Variants in GRK3 observed in about 807,000 individuals in gnomAD.
The protein encoded by GRK3 is adrenergic, beta, receptor kinase 2.
In GRK3, 54 loss-of-function variants were observed where a neutral mutation model predicts 95.7. The observed-to-expected ratio is 0.56, with a 90% CI of 0.45 to 0.71. The LOEUF is 0.71. Ranked by LOEUF, GRK3 falls within the 30% of genes least tolerant of loss-of-function variation. GRK3 has a pLI of 0.00. For synonymous variants in GRK3, 281 were observed against 290.8 expected (o/e 0.97, Z 0.34); for missense variants, 649 against 851.2 (o/e 0.76, Z 2.96).
chr22:25,636,316 A>T (rs2084701329), intron 2 of GRK3, among the ~76,000 whole-genome samples: 1 of 152,232 alleles, frequency 6.6e-6, no homozygotes, highest in Non-Finnish European at 1.5e-5. Flanking sequence ...GTTTGTGTGT[A>T]TGTGTACGTG....
chr22:25,635,997 A>G (rs780541855), intron 2 of GRK3, among the ~76,000 whole-genome samples: 5 of 152,146 alleles, frequency 3.3e-5, no homozygotes, highest in Non-Finnish European at 7.3e-5. Flanking sequence ...GTTATGATCT[A>G]TGACTCTTCT....
intron 15 of GRK3, among the ~76,000 whole-genome samples, chr22:25,705,677 C>T (rs975390446): frequency 2.0e-5 from 3 of 151,994 alleles, no homozygotes; most frequent in Non-Finnish European, 2.9e-5. Flanking sequence ...ATGTTTCTTT[C>T]GGGAAGGACT....
chr22:25,714,650 G>T (rs1326603076), intron 18 of GRK3, 80 bp downstream of exon 18: 10 of 1,350,656 alleles, frequency 7.4e-6, no homozygotes, highest in Middle Eastern at 2.6e-4. Context: ...AAAGTATTTG[G>T]GTCGTAAGGT....
intron 2 of GRK3, among the ~76,000 whole-genome samples, chr22:25,626,318 G>A (rs1331617242): frequency 1.3e-5 from 2 of 152,206 alleles, no homozygotes; most frequent in Non-Finnish European, 2.9e-5. Context: ...GTGCACTGTT[G>A]GGATGGGTGA....
In GRK3 at chr22:25,725,266, T is replaced by C. The variant is rs911297447; in HGVS notation, c.*2816T>C. ...TTTTCATTATTTTAGATTCCTGTGG[T>C]TGGGATATTTTAACATTGATGAGAA... On this transcript the variant is annotated 3_prime_UTR_variant, in exon 21 of 21. Coordinates refer to ENST00000324198, the MANE Select transcript of GRK3 (RefSeq NM_005160.4). 6.6e-6 allele frequency: 2 copies of C among 302,058 alleles called. No individual in the cohort carries two copies. Among genetic ancestry groups the C allele is most frequent in the African/African-American group, 4.3e-5 (2 of 46,644 alleles). The allele number at this position is 302,058 out of a possible 1,614,324, so 18.7% of individuals were successfully genotyped here.
At chr22:25,714,636 T>G (rs2085369234) in intron 18 of GRK3, 66 bp downstream of exon 18, 10 of 1,433,934 alleles carry the variant, frequency 7.0e-6, no homozygotes, top group Non-Finnish European at 9.3e-6. Context: ...CTTGTAAAGC[T>G]GAAAAAGTAT....
intron 15 of GRK3, among the ~76,000 whole-genome samples, chr22:25,706,387 T>C (rs1244149735): frequency 6.6e-6 from 1 of 152,088 alleles, no homozygotes; most frequent in African/African-American, 2.4e-5. Flanking sequence ...GAGCTGGAGC[T>C]CAGCATGCTG....
intron 3 of GRK3, among the ~76,000 whole-genome samples, chr22:25,652,880 GT>G (rs901314045): frequency 6.6e-5 from 10 of 152,124 alleles, no homozygotes; most frequent in Admixed American, 3.3e-4. Flanking sequence ...GCAGTATTCA[GT>G]ATAGTCACAT....
intron 1 of GRK3, among the ~76,000 whole-genome samples, chr22:25,591,658 C>G (rs984039749): frequency 2.0e-5 from 3 of 152,094 alleles, no homozygotes; most frequent in Non-Finnish European, 4.4e-5. Context: ...GTGTCAGGAA[C>G]CAGAGACAAA....
intron 5 of GRK3, among the ~76,000 whole-genome samples, chr22:25,667,260 T>C (rs1006534531): frequency 1.3e-5 from 2 of 152,232 alleles, no homozygotes; most frequent in Non-Finnish European, 2.9e-5. Context: ...GCTTTGAGTT[T>C]TTAAAACTCA....
At position 25,714,524 on chromosome 22, in the gene GRK3, C is replaced by T. The variant is rs147699642; in HGVS notation, c.1608C>T (p.Ile536=). The change falls in exon 18 of 21, where the codon ATC becomes ATT. Residue 536 remains isoleucine (I), a synonymous_variant. Transcript: ENST00000324198. ...YEAVNADTDK[I]EARKRAKNKQ... ...CAGTAAATGCAGACACAGATAAAAT[C>T]GAGGCCAGGAAGAGAGCTAAAAATA... 120 of 1,612,600 alleles carry T rather than the reference C, an allele frequency of 7.4e-5. No individual in the cohort carries two copies. Among genetic ancestry groups the T allele is most frequent in the Admixed American group, 2.0e-4 (12 of 59,766 alleles).
At chr22:25,638,957 A>G (rs1281861448) in intron 2 of GRK3, among the ~76,000 whole-genome samples, 1 of 152,154 alleles carries the variant, frequency 6.6e-6, no homozygotes, top group Non-Finnish European at 1.5e-5. Context: ...AGTCCCTTTC[A>G]TGGGCTTACT....
At chr22:25,620,563 C>T (rs899223692) in intron 2 of GRK3, among the ~76,000 whole-genome samples, 4 of 152,184 alleles carry the variant, frequency 2.6e-5, no homozygotes, top group African/African-American at 7.2e-5. Flanking sequence ...AACTTTTCCT[C>T]CTTGTCTGCC....
rs2085495871 is a variant in GRK3, at chr22:25,729,010, G to A, written c.*6560G>A. 1 of 152,208 alleles carries A rather than the reference G, an allele frequency of 6.6e-6. No homozygotes were observed. The highest frequency in any genetic ancestry group is 1.5e-5 in the Non-Finnish European group (1 of 68,034). 9.4% of individuals were successfully genotyped at this position (152,208 alleles called of 1,614,324 possible). A position where few individuals can be genotyped will look rare whatever the true frequency, so the allele number is the denominator to read the frequency against. ...AAGTGAAGCCAGTAAACTAGATACT[G>A]TAAATCTAGATATTGTACCTAGACA... On this transcript the variant is annotated 3_prime_UTR_variant, in exon 21 of 21. Coordinates refer to ENST00000324198, the MANE Select transcript of GRK3 (RefSeq NM_005160.4).
chr22:25,649,152 C>G (rs1459158567), intron 3 of GRK3: 1 of 1,418,960 alleles, frequency 7.0e-7, no homozygotes, highest in Non-Finnish European at 1.0e-6. Context: ...TGATGAAAGA[C>G]CAACATTTGA....
intron 1 of GRK3, among the ~76,000 whole-genome samples, chr22:25,592,471 T>A (rs1423195232): frequency 6.6e-6 from 1 of 152,220 alleles, no homozygotes. Flanking sequence ...CAGCAGTTTT[T>A]AATTTTGACG....
chr22:25,701,650 G>A (rs1222355790), intron 13 of GRK3, among the ~76,000 whole-genome samples: 1 of 152,218 alleles, frequency 6.6e-6, no homozygotes, highest in African/African-American at 2.4e-5. Context: ...TCAGAACACA[G>A]CAGGCTGCAA....
intron 2 of GRK3, among the ~76,000 whole-genome samples, chr22:25,639,774 A>G (rs2084729550): frequency 6.6e-6 from 1 of 152,214 alleles, no homozygotes; most frequent in African/African-American, 2.4e-5. Flanking sequence ...CATCTAAGCA[A>G]TACTAAATCT....
intron 13 of GRK3, among the ~76,000 whole-genome samples, chr22:25,700,863 C>G (rs778844795): frequency 6.6e-6 from 1 of 152,320 alleles, no homozygotes; most frequent in Non-Finnish European, 1.5e-5. Flanking sequence ...GGATTACAGG[C>G]GTGACCCACC....
Sources: gnomAD v4.1 joint callset for allele counts (sites outside exome capture counted in the v4.1 genomes callset) on GRCh38, gnomAD v4.1.1 for gene constraint, MANE v1.5 for transcripts, NCBI Gene and HGNC (gene_info 2026-07-23, HGNC 2026-07-21) for gene names.